Variants in PTPRT observed in about 807,000 individuals in gnomAD.
PTPRT encodes the protein protein tyrosine phosphatase receptor type T, also known as receptor-type tyrosine-protein phosphatase T.
Under a neutral mutation model 176.8 loss-of-function variants are expected in PTPRT, and 56 were observed. The ratio of observed to expected loss-of-function variants is 0.32; its 90% CI spans 0.26 to 0.40. The LOEUF is 0.40. Ranked by LOEUF, PTPRT falls within the 10% of genes least tolerant of loss-of-function variation. PTPRT has a pLI of 1.00. For missense variants in PTPRT, 1,540 were observed against 1,908.2 expected (o/e 0.81, Z 3.60); for synonymous variants, 783 against 739.0 (o/e 1.06, Z -0.96).
At chr20:43,003,512 T>C (rs936927070) in intron 1 of PTPRT, among the ~76,000 whole-genome samples, 4 of 152,210 alleles carry the variant, frequency 2.6e-5, no homozygotes, top group African/African-American at 9.6e-5. Context: ...TCTTGTGCTA[T>C]TTTAAGTCCC....
intron 8 of PTPRT, among the ~76,000 whole-genome samples, chr20:42,467,325 C>T (rs944620005): frequency 4.6e-5 from 7 of 152,060 alleles, no homozygotes; most frequent in Non-Finnish European, 8.8e-5. Context: ...GTGGAGGGAC[C>T]GGGCAGTTCT....
At chr20:43,110,797 G>C (rs1405509681) in intron 1 of PTPRT, among the ~76,000 whole-genome samples, 1 of 152,134 alleles carries the variant, frequency 6.6e-6, no homozygotes, top group South Asian at 2.1e-4. Flanking sequence ...GAGCAGAGGA[G>C]GAGAAGGCAA....
intron 7 of PTPRT, among the ~76,000 whole-genome samples, chr20:42,638,392 T>C (rs1216131495): frequency 6.6e-6 from 1 of 152,130 alleles, no homozygotes; most frequent in Admixed American, 6.6e-5. Context: ...GGATGTGTGC[T>C]TTTGAAGATA....
chr20:43,018,434 C>A (rs1391857521), intron 1 of PTPRT, among the ~76,000 whole-genome samples: 1 of 152,004 alleles, frequency 6.6e-6, no homozygotes, highest in Non-Finnish European at 1.5e-5. Context: ...GGACTGTATC[C>A]CATGATCTGA....
At chr20:42,091,512 C>G (rs1984617285) in intron 27 of PTPRT, among the ~76,000 whole-genome samples, 1 of 152,156 alleles carries the variant, frequency 6.6e-6, no homozygotes, top group Admixed American at 6.5e-5. Flanking sequence ...CAAGTAATAT[C>G]ATCACGTTAG....
chr20:42,620,386 G>T (rs531821062), intron 7 of PTPRT, among the ~76,000 whole-genome samples: 1 of 149,710 alleles, frequency 6.7e-6, no homozygotes, highest in East Asian at 1.9e-4. Context: ...GGTTACTGCT[G>T]TCTTTTTGTT....
At chr20:42,552,758 G>T (rs1419312259) in intron 7 of PTPRT, among the ~76,000 whole-genome samples, 6 of 152,030 alleles carry the variant, frequency 3.9e-5, no homozygotes, top group African/African-American at 1.4e-4. Context: ...AAACTAATGA[G>T]TATCCCCAAA....
At chr20:42,604,454 C>T (rs1163581065) in intron 7 of PTPRT, among the ~76,000 whole-genome samples, 1 of 152,114 alleles carries the variant, frequency 6.6e-6, no homozygotes, top group Admixed American at 6.6e-5. Context: ...AGGCTTTTGG[C>T]TCTTAAAGAA....
intron 7 of PTPRT, among the ~76,000 whole-genome samples, chr20:42,505,577 C>T (rs1219262846): frequency 6.6e-6 from 1 of 152,046 alleles, no homozygotes; most frequent in Admixed American, 6.5e-5. Flanking sequence ...GCTGGGATTA[C>T]AGGTGTGAGC....
At chr20:42,752,989 G>A (rs2076786763) in intron 6 of PTPRT, among the ~76,000 whole-genome samples, 1 of 152,156 alleles carries the variant, frequency 6.6e-6, no homozygotes, top group Admixed American at 6.5e-5. Flanking sequence ...TCGGGGCAGG[G>A]GGTGAGGGTA....
In PTPRT at chr20:43,189,683, C is replaced by T; in HGVS notation, c.51G>A (p.Leu17=). The T allele has an allele frequency of 1.5e-6, 2 of 1,318,798 alleles. No individual in the cohort carries two copies. The highest frequency in any genetic ancestry group is 1.9e-6 in the Non-Finnish European group (2 of 1,035,168). The allele number at this position is 1,318,798 out of a possible 1,614,324, so 81.7% of individuals were successfully genotyped here. A position where few individuals can be genotyped will look rare whatever the true frequency, so the allele number is the denominator to read the frequency against. ...LALSLLLRLQ[L]PPLPGARAQS... ...GAGCCCGGGCGCCGGGCAGTGGCGG[C>T]AGCTGCAGCCTCAGGAGCAGGCTGA... Residue 17 remains leucine (L), a synonymous_variant, in exon 1 of 31, where the codon CTG becomes CTA. Coordinates refer to ENST00000373187, the MANE Select transcript of PTPRT (RefSeq NM_007050.6). The surrounding 1 kb of genome is among the most constrained non-coding windows in gnomAD (Gnocchi z 5.0).
intron 11 of PTPRT, among the ~76,000 whole-genome samples, chr20:42,334,505 A>G (rs1288522061): frequency 6.6e-6 from 1 of 152,278 alleles, no homozygotes; most frequent in Non-Finnish European, 1.5e-5. Context: ...AAATGACAAT[A>G]TGTTCCCATT....
chr20:42,639,351 C>G (rs918724513), intron 7 of PTPRT, among the ~76,000 whole-genome samples: 3 of 152,040 alleles, frequency 2.0e-5, no homozygotes, highest in Non-Finnish European at 2.9e-5. Context: ...TTCCTCATTC[C>G]CTGTTTTCCT....
At chr20:42,839,109 G>A (rs1206796109) in intron 2 of PTPRT, among the ~76,000 whole-genome samples, 3 of 152,248 alleles carry the variant, frequency 2.0e-5, no homozygotes, top group Non-Finnish European at 2.9e-5. Flanking sequence ...CTGTTGGGCA[G>A]AAGAAGGGCA....
rs1363691131 is a variant in PTPRT, at chr20:42,223,418, T to G, written c.2342+12811A>C. Among the ~76,000 whole-genome samples the G allele has an allele frequency of 2.0e-5, 3 of 152,278 alleles. No homozygotes were observed. In the East Asian group the frequency reaches 5.8e-4, roughly 29 times the overall value. ...GTCCAGGATTCAAACCCCAACCCAG[T>G]CCATGCTCTTTTCGCTACAATGCTG... is the stretch of plus-strand genomic sequence containing the variant. On this transcript the variant is annotated intron_variant, in intron 15 of 30. Transcript: ENST00000373187.
At chr20:42,398,548 G>A (rs1908291456) in intron 9 of PTPRT, among the ~76,000 whole-genome samples, 1 of 152,006 alleles carries the variant, frequency 6.6e-6, no homozygotes, top group African/African-American at 2.4e-5. Context: ...GAAATATGCA[G>A]GCTACAAAAT....
the PTPRT span, among the ~76,000 whole-genome samples, chr20:42,046,565 A>C: frequency 6.6e-6 from 1 of 152,214 alleles, no homozygotes. Flanking sequence ...CACAGACGTG[A>C]GACCATGTTT....
intron 12 of PTPRT, among the ~76,000 whole-genome samples, chr20:42,315,184 C>CAAAAAAAA (rs71193656): frequency 4.7e-5 from 3 of 63,400 alleles, no homozygotes; most frequent in South Asian, 1.3e-3. Flanking sequence ...GGCTCCGTCT[C>CAAAAAAAA]AAAAAAAAAA....
At chr20:42,599,765 ATTAATT>A (rs2145785572) in intron 7 of PTPRT, among the ~76,000 whole-genome samples, 1 of 152,316 alleles carries the variant, frequency 6.6e-6, no homozygotes, top group East Asian at 1.9e-4. Context: ...GACTCTGGGC[ATTAATT>A]TTACATTTGT....
Sources: gnomAD v4.1 joint callset for allele counts (sites outside exome capture counted in the v4.1 genomes callset) on GRCh38, gnomAD v4.1.1 for gene constraint, Gnocchi (gnomAD v3.1) non-coding constraint, MANE v1.5 for transcripts, NCBI Gene and HGNC (gene_info 2026-07-23, HGNC 2026-07-21) for gene names.